SGCZ: variants seen among roughly 807,000 people sequenced by gnomAD.
The protein encoded by SGCZ is zeta-sarcoglycan.
SGCZ carries 40 observed loss-of-function variants against 41.3 expected under a neutral mutation model. The observed-to-expected ratio is 0.97, with a 90% CI of 0.75 to 1.26. The LOEUF (loss-of-function observed/expected upper bound fraction) is 1.26, where lower values mean the gene tolerates loss of function less well. Among genes scored for constraint, SGCZ ranks in the 50% most tolerant of loss-of-function variants. The pLI, the probability that SGCZ is intolerant of heterozygous loss-of-function variation, is 0.00. For synonymous variants in SGCZ, 206 were observed against 137.5 expected, an observed-to-expected ratio of 1.50 and a Z score of -3.49; for missense variants, 552 against 369.8, an observed-to-expected ratio of 1.49 and a Z score of -4.04.
At chr8:14,320,997 A>T (rs760781645) in intron 3 of SGCZ, among the ~76,000 whole-genome samples, 7 of 152,078 alleles carry the variant, frequency 4.6e-5, no homozygotes, top group Non-Finnish European at 7.4e-5. Context: ...TAAGTGTTTT[A>T]AAAAGTCTGA....
intron 1 of SGCZ, among the ~76,000 whole-genome samples, chr8:14,736,154 C>G (rs1799023066): frequency 6.6e-6 from 1 of 152,074 alleles, no homozygotes; most frequent in Admixed American, 6.6e-5. Context: ...CTTGAACCTA[C>G]TTCATTCCAG....
intron 1 of SGCZ, among the ~76,000 whole-genome samples, chr8:15,054,017 G>T (rs1348047205): frequency 1.3e-5 from 2 of 152,122 alleles, no homozygotes; most frequent in African/African-American, 4.8e-5. Context: ...TTTGACCTTT[G>T]CAAAGTGGAT....
rs1340420609 is a variant in SGCZ at position 14,412,368 on chromosome 8, ATAATTATGTGTTT to A, written c.235-88177_235-88165del. 9.9e-5 allele frequency among the ~76,000 whole-genome samples: 15 copies of A among 152,242 alleles called. No individual in the cohort carries two copies. The East Asian group carries it at 2.3e-3, about 23-fold the overall frequency. ...TTGCATCCAATCTACAGCAACTATT[ATAATTATGTGTTT>A]CCCTTTAGATCACTGGGTATGCGTA... On this transcript the variant is annotated intron_variant, in intron 2 of 7. Transcript: ENST00000382080.
intron 1 of SGCZ, among the ~76,000 whole-genome samples, chr8:15,142,214 A>G (rs980337037): frequency 6.6e-6 from 1 of 152,150 alleles, no homozygotes; most frequent in Non-Finnish European, 1.5e-5. Context: ...TTTAGGGTCT[A>G]AGATTTTATT....
intron 1 of SGCZ, among the ~76,000 whole-genome samples, chr8:14,586,511 C>A (rs1274347189): frequency 6.6e-6 from 1 of 152,086 alleles, no homozygotes; most frequent in East Asian, 1.9e-4. Flanking sequence ...CCACGCCCAG[C>A]GCAAAATATG....
At chr8:14,220,745 C>T (rs1319979422) in intron 4 of SGCZ, among the ~76,000 whole-genome samples, 1 of 151,518 alleles carries the variant, frequency 6.6e-6, no homozygotes, top group African/African-American at 2.4e-5. Flanking sequence ...TGAGATGACA[C>T]CACTGCACTC....
At chr8:14,225,245 T>C (rs1806332219) in intron 4 of SGCZ, among the ~76,000 whole-genome samples, 1 of 152,134 alleles carries the variant, frequency 6.6e-6, no homozygotes, top group Non-Finnish European at 1.5e-5. Flanking sequence ...AGGTGACCTA[T>C]TTAATGTTGT....
chr8:14,895,478 T>C (rs1805164235), intron 1 of SGCZ, among the ~76,000 whole-genome samples: 1 of 152,118 alleles, frequency 6.6e-6, no homozygotes, highest in African/African-American at 2.4e-5. Flanking sequence ...ATTAGTGTGA[T>C]AAGAAATTCA....
intron 1 of SGCZ, among the ~76,000 whole-genome samples, chr8:14,643,284 T>G (rs944409741): frequency 2.4e-4 from 36 of 151,602 alleles, no homozygotes; most frequent in Non-Finnish European, 4.1e-4. Context: ...ATATAATACA[T>G]GCAGACAGTG....
intron 1 of SGCZ, among the ~76,000 whole-genome samples, chr8:14,705,802 T>G (rs967346765): frequency 3.0e-4 from 45 of 152,124 alleles, no homozygotes; most frequent in Admixed American, 2.4e-3. Context: ...GGCCAATATT[T>G]TTACCCTTTT....
chr8:14,605,577 G>C (rs569788202), intron 1 of SGCZ, among the ~76,000 whole-genome samples: 1 of 151,794 alleles, frequency 6.6e-6, no homozygotes, highest in Non-Finnish European at 1.5e-5. Flanking sequence ...CCTGCCCAGC[G>C]TCTAGCAACC....
chr8:15,099,960 A>C (rs1268503592), intron 1 of SGCZ, among the ~76,000 whole-genome samples: 3 of 7,116 alleles, frequency 4.2e-4, no homozygotes, highest in Non-Finnish European at 1.6e-3. Context: ...TCCCTGACAA[A>C]AAAAAAAGTC....
At chr8:14,449,768 T>C (rs574151424) in intron 2 of SGCZ, among the ~76,000 whole-genome samples, 223 of 152,246 alleles carry the variant, frequency 1.5e-3, no homozygotes, top group African/African-American at 5.2e-3. Flanking sequence ...ATTCTAGGCT[T>C]AAACTGAGAA....
At chr8:14,234,558 G>C (rs995761443) in intron 4 of SGCZ, among the ~76,000 whole-genome samples, 5 of 151,974 alleles carry the variant, frequency 3.3e-5, no homozygotes, top group East Asian at 1.9e-4. Context: ...AGAAAATGAA[G>C]AGTAACTGAA....
chr8:14,374,063 T>C (rs1394777006), intron 2 of SGCZ, among the ~76,000 whole-genome samples: 2 of 151,988 alleles, frequency 1.3e-5, no homozygotes, highest in African/African-American at 4.8e-5. Context: ...GACTTGCTAG[T>C]TTAAAGTTCT....
chr8:14,126,826 C>T (rs552163483), intron 5 of SGCZ, among the ~76,000 whole-genome samples: 43 of 152,224 alleles, frequency 2.8e-4, no homozygotes, highest in African/African-American at 9.1e-4. Flanking sequence ...GAGATCATGT[C>T]GTTTGCAGGG....
At chr8:14,866,407 G>C (rs1803932083) in intron 1 of SGCZ, among the ~76,000 whole-genome samples, 1 of 152,008 alleles carries the variant, frequency 6.6e-6, no homozygotes, top group Admixed American at 6.6e-5. Flanking sequence ...CTGAGAACAA[G>C]CACAGTCATT....
At chr8:15,206,637 C>T (rs914044107) in intron 1 of SGCZ, among the ~76,000 whole-genome samples, 2 of 152,034 alleles carry the variant, frequency 1.3e-5, no homozygotes, top group African/African-American at 4.8e-5. Flanking sequence ...TCAGTAGAGA[C>T]GGTGTTTCAC....
intron 2 of SGCZ, among the ~76,000 whole-genome samples, chr8:14,453,839 G>A (rs565641567): frequency 9.2e-5 from 14 of 152,238 alleles, no homozygotes; most frequent in Non-Finnish European, 1.9e-4. Flanking sequence ...TAAAAAGAGT[G>A]ATTCTTAAAT....
Sources: allele counts gnomAD v4.1 joint callset (sites outside exome capture counted in the v4.1 genomes callset), GRCh38; gene constraint gnomAD v4.1.1; transcripts MANE v1.5; gene names NCBI Gene and HGNC (gene_info 2026-07-23, HGNC 2026-07-21).